The following PARD3 variants were observed in gnomAD, a reference collection of about 807,000 sequenced individuals.
The protein encoded by PARD3 is partitioning defective 3 homolog.
Under a neutral mutation model 155.4 loss-of-function variants are expected in PARD3, and 75 were observed. The observed-to-expected ratio is 0.48, with a 90% CI of 0.40 to 0.58. PARD3 has a LOEUF of 0.58. PARD3 is among the 20% of genes least tolerant of loss of function. The probability of loss-of-function intolerance (pLI) is 0.00; values close to 1 mark genes in which losing one functional copy is unlikely to be tolerated. For synonymous variants in PARD3, 576 were observed against 610.5 expected (o/e 0.94, Z 0.83); for missense variants, 1,642 against 1,721.7 (o/e 0.95, Z 0.82).
intron 18 of PARD3, among the ~76,000 whole-genome samples, chr10:34,333,961 A>T (rs1835881997): frequency 6.6e-6 from 1 of 151,962 alleles, no homozygotes; most frequent in Non-Finnish European, 1.5e-5. Flanking sequence ...AATTAAAAGG[A>T]TTCCCTAACA....
intron 3 of PARD3, among the ~76,000 whole-genome samples, chr10:34,507,182 G>A (rs1436265333): frequency 1.3e-5 from 2 of 152,100 alleles, no homozygotes; most frequent in African/African-American, 4.8e-5. Flanking sequence ...AAAACTACGG[G>A]AGAATATGCA....
chr10:34,792,046 C>T (rs767298116), intron 1 of PARD3, among the ~76,000 whole-genome samples: 56 of 152,172 alleles, frequency 3.7e-4, no homozygotes, highest in Admixed American at 6.5e-4. Context: ...ATCACGTGCT[C>T]GCCTCGTGAC....
chr10:34,116,378 G>C (rs1946671315), intron 24 of PARD3, among the ~76,000 whole-genome samples: 2 of 152,130 alleles, frequency 1.3e-5, no homozygotes, highest in South Asian at 2.1e-4. Flanking sequence ...AACTTGTTTA[G>C]ACAAAACTCT....
In PARD3 at chr10:34,382,633, CT is replaced by C; in HGVS notation, c.1305del (p.Ala436ProfsTer12). ...AHPSGKPPSA[P>X]ASAPQNVFST... ...CTAAATACATTCTGAGGTGCCGAGG[CT>C]GGAGCGGATGGTGGTTTTCCCGAGG... On this transcript the variant is annotated frameshift_variant, in exon 9 of 25. Coordinates refer to ENST00000374788, the MANE Select transcript of PARD3 (RefSeq NM_001184785.2). LOFTEE classifies it high-confidence loss of function. 6.2e-7 allele frequency: 1 copy of C among 1,614,070 alleles called. No homozygotes were observed. The highest frequency in any genetic ancestry group is 8.5e-7 in the Non-Finnish European group (1 of 1,180,028).
chr10:34,267,482 C>A (rs550692872), intron 22 of PARD3, among the ~76,000 whole-genome samples: 5 of 152,226 alleles, frequency 3.3e-5, no homozygotes, highest in Non-Finnish European at 7.4e-5. Context: ...TTTCATAAGA[C>A]CATAAGGAAA....
At chr10:34,295,010 T>C (rs1300140158) in intron 20 of PARD3, among the ~76,000 whole-genome samples, 1 of 152,012 alleles carries the variant, frequency 6.6e-6, no homozygotes, top group Non-Finnish European at 1.5e-5. Context: ...AAGACCAGCA[T>C]GGGCAACATA....
chr10:34,718,149 C>CAAAA (rs71033340), intron 1 of PARD3, among the ~76,000 whole-genome samples: 5 of 82,748 alleles, frequency 6.0e-5, no homozygotes, highest in Non-Finnish European at 9.8e-5. Context: ...GACTCCATCT[C>CAAAA]AAAAAAAAAA....
intron 22 of PARD3, among the ~76,000 whole-genome samples, chr10:34,137,472 T>C (rs1415822907): frequency 6.6e-6 from 1 of 152,240 alleles, no homozygotes; most frequent in Non-Finnish European, 1.5e-5. Context: ...AGCTCAGTCA[T>C]GCTGGAACTC....
At chr10:34,155,726 A>G (rs887856579) in intron 22 of PARD3, among the ~76,000 whole-genome samples, 1 of 137,046 alleles carries the variant, frequency 7.3e-6, no homozygotes, top group Non-Finnish European at 1.6e-5. Context: ...TATTTATATT[A>G]ATTTTATTTT....
chr10:34,710,096 T>C (rs529562544), intron 1 of PARD3, among the ~76,000 whole-genome samples: 1 of 152,236 alleles, frequency 6.6e-6, no homozygotes, highest in East Asian at 1.9e-4. Context: ...TGGAGGAAGA[T>C]ACATAGCCAA....
chr10:34,284,109 G>C, intron 21 of PARD3, 26 bp downstream of exon 21: 3 of 1,268,600 alleles, frequency 2.4e-6, no homozygotes, highest in Non-Finnish European at 3.4e-6. Context: ...TTTCTAAGGA[G>C]GTTTAATCAA....
intron 5 of PARD3, among the ~76,000 whole-genome samples, chr10:34,420,336 G>A (rs1420608085): frequency 1.3e-5 from 2 of 152,170 alleles, no homozygotes; most frequent in Non-Finnish European, 2.9e-5. Flanking sequence ...TACGTGAAGA[G>A]GGATTTCTTT....
At chr10:34,323,722 G>A (rs1958515136) in intron 19 of PARD3, among the ~76,000 whole-genome samples, 1 of 152,148 alleles carries the variant, frequency 6.6e-6, no homozygotes, top group Non-Finnish European at 1.5e-5. Context: ...CAGGTAAAAT[G>A]CTCCCACAGA....
chr10:34,236,879 A>G (rs1331318474), intron 22 of PARD3, among the ~76,000 whole-genome samples: 1 of 152,164 alleles, frequency 6.6e-6, no homozygotes, highest in Non-Finnish European at 1.5e-5. Context: ...TCTTAAAAGG[A>G]TGGGGAAACT....
intron 23 of PARD3, among the ~76,000 whole-genome samples, chr10:34,126,958 T>A (rs1947321472): frequency 6.6e-6 from 1 of 152,230 alleles, no homozygotes; most frequent in Admixed American, 6.5e-5. Context: ...AAGTTGTCTG[T>A]CTGAAGTTGC....
At chr10:34,501,133 C>T (rs778326853) in intron 3 of PARD3, among the ~76,000 whole-genome samples, 20 of 152,134 alleles carry the variant, frequency 1.3e-4, no homozygotes, top group South Asian at 2.1e-4. Context: ...GAAATACTCA[C>T]TGATATGGCT....
chr10:34,312,229 T>C (rs1348775179), intron 20 of PARD3: 1 of 1,559,180 alleles, frequency 6.4e-7, no homozygotes, highest in African/African-American at 1.4e-5. Context: ...ACTGCTGATG[T>C]CGTAAACAAA....
intron 22 of PARD3, among the ~76,000 whole-genome samples, chr10:34,205,381 TG>T (rs1296309552): frequency 6.6e-6 from 1 of 151,942 alleles, no homozygotes; most frequent in Non-Finnish European, 1.5e-5. Flanking sequence ...ATAGGCCGGG[TG>T]AAATGAAAAA....
intron 2 of PARD3, among the ~76,000 whole-genome samples, chr10:34,633,717 G>A (rs547306796): frequency 7.2e-5 from 11 of 152,210 alleles, no homozygotes; most frequent in Admixed American, 4.6e-4. Context: ...TGGACCATAT[G>A]GTAAGTTCTA....
Sources: gnomAD v4.1 joint callset for allele counts (sites outside exome capture counted in the v4.1 genomes callset) on GRCh38, gnomAD v4.1.1 for gene constraint, MANE v1.5 for transcripts, NCBI Gene and HGNC (gene_info 2026-07-23, HGNC 2026-07-21) for gene names.